Variants in CD4 observed in about 807,000 individuals in gnomAD.
CD4 encodes CD4 molecule, also known as T-cell surface glycoprotein CD4.
CD4 carries 25 observed loss-of-function variants against 50.5 expected under a neutral mutation model. That is an observed-to-expected ratio of 0.49 (90% confidence interval 0.36 to 0.69). The LOEUF (loss-of-function observed/expected upper bound fraction) is 0.69, where lower values mean the gene tolerates loss of function less well. CD4 is among the 30% of genes least tolerant of loss of function. The probability of loss-of-function intolerance (pLI) is 0.00; values close to 1 mark genes in which losing one functional copy is unlikely to be tolerated. For missense variants in CD4, 456 were observed against 548.5 expected, an observed-to-expected ratio of 0.83 and a Z score of 1.68; for synonymous variants, 207 against 221.9, an observed-to-expected ratio of 0.93 and a Z score of 0.60.
At chr12:6,819,059 G>A in intron 9 of CD4, 145 bp downstream of exon 9, 1 of 713,528 alleles carries the variant, frequency 1.4e-6, no homozygotes, top group South Asian at 1.7e-5. Flanking sequence ...TGGGAGGGGT[G>A]GAGGTGAGGA....
intron 1 of CD4, among the ~76,000 whole-genome samples, chr12:6,796,736 T>G (rs1196267206): frequency 5.3e-5 from 8 of 152,154 alleles, no homozygotes; most frequent in African/African-American, 1.4e-4. Flanking sequence ...CTGCACAAAT[T>G]AGCTGGGTGT....
intron 3 of CD4, among the ~76,000 whole-genome samples, chr12:6,812,727 C>T (rs1468626522): frequency 4.0e-5 from 6 of 151,454 alleles, no homozygotes; most frequent in Admixed American, 2.6e-4. Context: ...TCTTCCTACA[C>T]ATGAGTATTC....
chr12:6,816,878 T>C lies in CD4; in HGVS notation c.956-252T>C, dbSNP rs1429937505. Reference sequence around the variant, plus strand: ...CACGTGTCGGGCCCCATCCAAACACTTTACATGTATGCCTGCCTTTAGTAC... The same window carrying C: ...CACGTGTCGGGCCCCATCCAAACACCTTACATGTATGCCTGCCTTTAGTAC... On this transcript the variant is annotated intron_variant, in intron 6 of 9. Coordinates refer to ENST00000011653, the MANE Select transcript of CD4 (RefSeq NM_000616.5). The surrounding 1 kb of genome is among the most constrained non-coding windows in gnomAD (Gnocchi z 4.9). Among the ~76,000 whole-genome samples, 2 of 152,174 alleles carry C rather than the reference T, an allele frequency of 1.3e-5. No homozygotes were observed. Among genetic ancestry groups the C allele is most frequent in the South Asian group, 2.1e-4 (1 of 4,834 alleles).
intron 3 of CD4, among the ~76,000 whole-genome samples, chr12:6,808,183 A>G (rs897387499): frequency 4.6e-5 from 7 of 151,260 alleles, no homozygotes; most frequent in East Asian, 2.0e-4. Flanking sequence ...GGCCAGGCGC[A>G]GTGGCTCACG....
rs1412987976 is a variant in CD4, at chr12:6,792,139, T to G, written c.-68+2477T>G. ...TCAGCAGTAGAGAGGGTGAACGCGGTGGGGCACATCCCGCGGCTGGGCTTG... is the reference window on the plus strand; with the variant it reads ...TCAGCAGTAGAGAGGGTGAACGCGGGGGGGCACATCCCGCGGCTGGGCTTG... On this transcript the variant is annotated intron_variant, in intron 1 of 9. Transcript: ENST00000011653. The surrounding 1 kb of genome is among the most constrained non-coding windows in gnomAD (Gnocchi z 4.1). Among the ~76,000 whole-genome samples, 1 of 152,044 alleles carries G rather than the reference T, an allele frequency of 6.6e-6. No individual in the cohort carries two copies. The highest frequency in any genetic ancestry group is 2.4e-5 in the African/African-American group (1 of 41,404).
intron 7 of CD4, among the ~76,000 whole-genome samples, chr12:6,817,803 G>A (rs1943126371): frequency 6.8e-6 from 1 of 146,424 alleles, no homozygotes; most frequent in Admixed American, 6.8e-5. Context: ...CTCACCCCAT[G>A]TACTCACACC....
chr12:6,801,796 G>C (rs984539022), intron 3 of CD4, among the ~76,000 whole-genome samples: 1 of 149,010 alleles, frequency 6.7e-6, no homozygotes, highest in Non-Finnish European at 1.5e-5. Flanking sequence ...TCCTGACCTC[G>C]TGATTTACCC....
At chr12:6,813,425 C>T (rs1014787563) in intron 3 of CD4, 1 of 151,300 alleles carries the variant, frequency 6.6e-6, no homozygotes, top group Non-Finnish European at 1.5e-5. Flanking sequence ...ATGTTTAATT[C>T]GAGAATTATT....
intron 3 of CD4, among the ~76,000 whole-genome samples, chr12:6,811,036 C>T (rs959648802): frequency 2.6e-5 from 4 of 151,954 alleles, no homozygotes; most frequent in Non-Finnish European, 4.4e-5. Flanking sequence ...GGGAAGAGGA[C>T]TGTGTGGTCT....
chr12:6,819,082 A>AG, intron 9 of CD4, among the ~76,000 whole-genome samples, 168 bp downstream of exon 9: 1 of 135,232 alleles, frequency 7.4e-6, no homozygotes, highest in East Asian at 2.3e-4. Context: ...TGGGGGCTAA[A>AG]GGGGTGTGGT....
At chr12:6,804,162 G>GCACACACACA in intron 3 of CD4, among the ~76,000 whole-genome samples, 1 of 150,466 alleles carries the variant, frequency 6.6e-6, no homozygotes, top group East Asian at 1.9e-4. Flanking sequence ...AAAATAAAAA[G>GCACACACACA]CACACACACA....
intron 3 of CD4, 165 bp from the exon 4 acceptor site, chr12:6,813,977 A>G (rs919215937): frequency 2.5e-5 from 16 of 637,408 alleles, no homozygotes; most frequent in African/African-American, 5.4e-5. Context: ...AGGTAAATGG[A>G]TATGATGAGA....
chr12:6,814,486 G>T, intron 4 of CD4, 186 bp downstream of exon 4: 3 of 662,606 alleles, frequency 4.5e-6, no homozygotes, highest in South Asian at 3.9e-5. Flanking sequence ...GGTGGGCGGA[G>T]GAGGGAAGAG....
chr12:6,797,825 C>G (rs1942416763), intron 1 of CD4, among the ~76,000 whole-genome samples: 1 of 152,182 alleles, frequency 6.6e-6, no homozygotes, highest in Non-Finnish European at 1.5e-5. Context: ...CAGTTTTCTC[C>G]TCTCTCAAAA....
intron 3 of CD4, among the ~76,000 whole-genome samples, chr12:6,812,438 G>A (rs1279764596): frequency 1.3e-5 from 2 of 152,118 alleles, no homozygotes; most frequent in African/African-American, 2.4e-5. Flanking sequence ...CCAGCACTTC[G>A]GGAGGCCAAG....
intron 1 of CD4, among the ~76,000 whole-genome samples, chr12:6,795,603 C>A (rs1942352510): frequency 6.6e-6 from 1 of 152,212 alleles, no homozygotes; most frequent in Non-Finnish European, 1.5e-5. Context: ...AGCACAGACA[C>A]TATTAACAGC....
rs782591520 is a variant in CD4 at position 6,816,053 on chromosome 12, C to T, written c.608-3C>T. 6 of 1,614,084 alleles carry T rather than the reference C, an allele frequency of 3.7e-6. No individual in the cohort carries two copies. In the Admixed American group the frequency reaches 8.3e-5, roughly 22 times the overall value. ...CCCAGGGTCTCTCCCTTCCCACCTCCAGCTTTCCAGAAGGCCTCCAGCATA... is the reference window on the plus strand; with the variant it reads ...CCCAGGGTCTCTCCCTTCCCACCTCTAGCTTTCCAGAAGGCCTCCAGCATA... On this transcript the variant is annotated splice_polypyrimidine_tract_variant and splice_region_variant and intron_variant, in intron 5 of 9. Coordinates refer to ENST00000011653, the MANE Select transcript of CD4 (RefSeq NM_000616.5). This position sits in a 1 kb window ranked among gnomAD's most constrained non-coding sequence, Gnocchi z 4.9.
At chr12:6,812,999 C>T (rs1043858886) in intron 3 of CD4, among the ~76,000 whole-genome samples, 3 of 151,974 alleles carry the variant, frequency 2.0e-5, no homozygotes, top group Admixed American at 1.3e-4. Context: ...CCTCGACCTC[C>T]TGGGTCAGGT....
chr12:6,794,792 T>TG (rs1942317999), intron 1 of CD4, among the ~76,000 whole-genome samples: 1 of 139,862 alleles, frequency 7.1e-6, no homozygotes, highest in Non-Finnish European at 1.6e-5. Flanking sequence ...TTTTGTTTTT[T>TG]TTTTTTTTTT....
Sources: allele counts gnomAD v4.1 joint callset (sites outside exome capture counted in the v4.1 genomes callset), GRCh38; gene constraint gnomAD v4.1.1; non-coding constraint Gnocchi (gnomAD v3.1); transcripts MANE v1.5; gene names NCBI Gene and HGNC (gene_info 2026-07-23, HGNC 2026-07-21).